PDE11A: variants seen among roughly 807,000 people sequenced by gnomAD.
The protein encoded by PDE11A is phosphodiesterase 11A, also known as dual 3',5'-cyclic-AMP and -GMP phosphodiesterase 11A.
Under a neutral mutation model 100.5 loss-of-function variants are expected in PDE11A, and 100 were observed. The observed-to-expected ratio is 1.00, with a 90% CI of 0.85 to 1.18. The LOEUF (loss-of-function observed/expected upper bound fraction) is 1.18. PDE11A is among the 50% of genes most tolerant of loss of function. The pLI is 0.00. For missense variants in PDE11A, 1,141 were observed against 1,152.6 expected, an observed-to-expected ratio of 0.99 and a Z score of 0.15; for synonymous variants, 381 against 420.8, an observed-to-expected ratio of 0.91 and a Z score of 1.16.
chr2:177,631,512 AATATATATAT>A lies in PDE11A; in HGVS notation c.2647-1960_2647-1951del. ...AAAAAAAAAAAAAAAAAAAAAAAAA[AATATATATAT>A]ATATATATATATATATATATATATA... is the stretch of plus-strand genomic sequence containing the variant. On this transcript the variant is annotated intron_variant, in intron 19 of 19. Coordinates refer to ENST00000286063, the MANE Select transcript of PDE11A (RefSeq NM_016953.4). Among the ~76,000 whole-genome samples, 73 of 10,778 alleles carry A rather than the reference AATATATATAT, an allele frequency of 6.8e-3. 5 individuals are homozygous for A. The highest frequency in any genetic ancestry group is 0.014 in the African/African-American group (49 of 3,458). 7.1% of individuals were successfully genotyped at this position (10,778 alleles called of 152,430 possible). A position where few individuals can be genotyped will look rare whatever the true frequency, so the allele number is the denominator to read the frequency against.
intron 9 of PDE11A, among the ~76,000 whole-genome samples, chr2:177,788,802 A>C (rs2082581726): frequency 6.6e-6 from 1 of 152,226 alleles, no homozygotes; most frequent in Non-Finnish European, 1.5e-5. Flanking sequence ...AAATGGATAA[A>C]TTCCTCGACA....
intron 2 of PDE11A, among the ~76,000 whole-genome samples, chr2:177,973,094 C>T (rs566088963): frequency 2.6e-5 from 4 of 151,758 alleles, no homozygotes; most frequent in Non-Finnish European, 2.9e-5. Context: ...TCAAGATGGC[C>T]GAATAGGAAC....
chr2:178,002,052 A>T (rs979637407), intron 2 of PDE11A, among the ~76,000 whole-genome samples: 1 of 151,986 alleles, frequency 6.6e-6, no homozygotes, highest in Non-Finnish European at 1.5e-5. Context: ...TAGTTTTTCA[A>T]CACTTGCCCC....
At chr2:177,698,905 G>C (rs558207479) in intron 14 of PDE11A, among the ~76,000 whole-genome samples, 6 of 152,320 alleles carry the variant, frequency 3.9e-5, no homozygotes, top group Admixed American at 1.3e-4. Flanking sequence ...GTGGTAGGAA[G>C]CTATGGAAAA....
intron 1 of PDE11A, among the ~76,000 whole-genome samples, chr2:178,046,937 G>C (rs1409610258): frequency 6.6e-6 from 1 of 152,072 alleles, no homozygotes; most frequent in Non-Finnish European, 1.5e-5. Context: ...TTAGTTTGAG[G>C]CATATATCTT....
chr2:177,929,760 C>T (rs2085181459), intron 2 of PDE11A, among the ~76,000 whole-genome samples: 1 of 152,188 alleles, frequency 6.6e-6, no homozygotes, highest in African/African-American at 2.4e-5. Flanking sequence ...CCCCAAGTCT[C>T]ACATCAAGCT....
At chr2:177,734,852 T>C (rs16865726) in intron 10 of PDE11A, among the ~76,000 whole-genome samples, 104,138 of 152,112 alleles carry the variant, frequency 0.68, 38,076 homozygotes, top group East Asian at 0.86. Flanking sequence ...ATGCTCATTA[T>C]GATTTTTATA....
intron 4 of PDE11A, among the ~76,000 whole-genome samples, chr2:177,885,216 G>GTGTT (rs2084410319): frequency 6.6e-6 from 1 of 151,580 alleles, no homozygotes; most frequent in African/African-American, 2.4e-5. Flanking sequence ...GTGTGTGTGT[G>GTGTT]TGTGTGTATA....
chr2:178,011,504 G>A (rs1434159485), intron 2 of PDE11A, among the ~76,000 whole-genome samples: 1 of 152,194 alleles, frequency 6.6e-6, no homozygotes. Context: ...GCGAGGTATA[G>A]GGGAAGAGGT....
At chr2:177,957,829 C>T (rs1025124628) in intron 2 of PDE11A, among the ~76,000 whole-genome samples, 6 of 150,748 alleles carry the variant, frequency 4.0e-5, no homozygotes, top group African/African-American at 1.5e-4. Flanking sequence ...GTAAAGAATA[C>T]AAAAATACCT....
chr2:178,080,616 C>T (rs1007179501), intron 2 of PDE11A, among the ~76,000 whole-genome samples: 1 of 152,084 alleles, frequency 6.6e-6, no homozygotes, highest in African/African-American at 2.4e-5. Flanking sequence ...AATTGCCATG[C>T]CTTTATTCAC....
At chr2:177,764,651 A>G (rs994953079) in intron 10 of PDE11A, among the ~76,000 whole-genome samples, 2 of 152,202 alleles carry the variant, frequency 1.3e-5, no homozygotes, top group Non-Finnish European at 2.9e-5. Flanking sequence ...GTCTTTATAC[A>G]TTATTCCTGT....
In PDE11A at chr2:177,817,860, CA is replaced by C; in HGVS notation, c.1641del (p.Phe547LeufsTer21). ...KPFDDADQRL[F>X]EAFVIFCGLG... ...GGTTTATAAATTTATTTTCTTACCT[CA>C]AAAAGTCGTTGATCTGCATCATCAA... On this transcript the variant is annotated frameshift_variant, in exon 8 of 20. Coordinates refer to ENST00000286063, the MANE Select transcript of PDE11A (RefSeq NM_016953.4). LOFTEE classifies it high-confidence loss of function. The C allele has an allele frequency of 5.5e-6, 8 of 1,463,328 alleles. No individual in the cohort carries two copies. Among genetic ancestry groups the C allele is most frequent in the Non-Finnish European group, 7.7e-6 (8 of 1,044,734 alleles). The allele number at this position is 1,463,328 out of a possible 1,614,324, so 90.6% of individuals were successfully genotyped here. A position where few individuals can be genotyped will look rare whatever the true frequency, so the allele number is the denominator to read the frequency against.
intron 2 of PDE11A, among the ~76,000 whole-genome samples, chr2:178,088,269 T>C (rs1161446044): frequency 6.6e-6 from 1 of 152,236 alleles, no homozygotes; most frequent in Non-Finnish European, 1.5e-5. Flanking sequence ...TAATCTATGT[T>C]AATATTTCAG....
At chr2:177,850,849 C>T (rs372890337) in intron 5 of PDE11A, among the ~76,000 whole-genome samples, 1,733 of 152,166 alleles carry the variant, frequency 0.011, 26 homozygotes, top group East Asian at 0.075. Flanking sequence ...CCATCTCACA[C>T]CAGTTAGAAT....
intron 15 of PDE11A, among the ~76,000 whole-genome samples, chr2:177,692,531 T>C (rs2081055017): frequency 6.6e-6 from 1 of 152,182 alleles, no homozygotes; most frequent in South Asian, 2.1e-4. Flanking sequence ...CAAAGAGAGA[T>C]CCGACTCTCA....
intron 19 of PDE11A, 130 bp downstream of exon 19, chr2:177,663,736 A>T (rs2080522772): frequency 1.4e-6 from 1 of 705,866 alleles, no homozygotes; most frequent in Non-Finnish European, 2.6e-6. Flanking sequence ...CAAGAAAGAC[A>T]AACTGCAGCC....
At chr2:177,782,328 G>T (rs2082465535) in intron 9 of PDE11A, among the ~76,000 whole-genome samples, 1 of 152,000 alleles carries the variant, frequency 6.6e-6, no homozygotes, top group South Asian at 2.1e-4. Context: ...ACTCTATGTG[G>T]GGTTTGTGTT....
At chr2:177,998,241 GT>G in intron 2 of PDE11A, 2 of 828,982 alleles carry the variant, frequency 2.4e-6, no homozygotes, top group Non-Finnish European at 4.3e-6. Flanking sequence ...TTTGGATTCA[GT>G]TAGTATAAGC....
Sources: allele counts gnomAD v4.1 joint callset (sites outside exome capture counted in the v4.1 genomes callset), GRCh38; gene constraint gnomAD v4.1.1; transcripts MANE v1.5; gene names NCBI Gene and HGNC (gene_info 2026-07-23, HGNC 2026-07-21).